Variants in MTURN observed in about 807,000 individuals in gnomAD.
MTURN encodes the protein maturin.
A neutral mutation model predicts 14.9 loss-of-function variants in MTURN; 7 were observed. The observed-to-expected ratio is 0.47, with a 90% CI of 0.27 to 0.88. The LOEUF (loss-of-function observed/expected upper bound fraction) is 0.88, where lower values mean the gene tolerates loss of function less well. MTURN is among the 40% of genes least tolerant of loss of function. The pLI is 0.14. For synonymous variants in MTURN, 69 were observed against 72.5 expected, an observed-to-expected ratio of 0.95 and a Z score of 0.25; for missense variants, 151 against 174.1, an observed-to-expected ratio of 0.87 and a Z score of 0.75.
rs1183534769 is a variant in MTURN at position 30,137,556 on chromosome 7, TAGAA to T, written c.162+2262_162+2265del. Reference sequence around the variant, plus strand: ...AAACTGACAATTTAAATAGAATAGATAGAAAGATAGAGGATGGGGGTGGGCAGAT... The same window carrying T: ...AAACTGACAATTTAAATAGAATAGATAGATAGAGGATGGGGGTGGGCAGAT... On this transcript the variant is annotated intron_variant, in intron 1 of 2. Transcript: ENST00000324453. The T allele has an allele frequency of 3.6e-5, 17 of 468,302 alleles. No homozygotes were observed. In the Middle Eastern group the frequency reaches 2.0e-3, roughly 54 times the overall value. The allele number at this position is 468,302 out of a possible 1,614,324, so 29.0% of individuals were successfully genotyped here. A position where few individuals can be genotyped will look rare whatever the true frequency, so the allele number is the denominator to read the frequency against.
chr7:30,144,759 C>T (rs773963621), intron 1 of MTURN, among the ~76,000 whole-genome samples: 1 of 151,910 alleles, frequency 6.6e-6, no homozygotes, highest in Non-Finnish European at 1.5e-5. Flanking sequence ...TCTCAGAAAC[C>T]CTGCAATGAG....
chr7:30,146,370 TG>T lies in MTURN; in HGVS notation c.285+75del. 4 of 1,591,124 alleles carry T rather than the reference TG, an allele frequency of 2.5e-6. No individual in the cohort carries two copies. The South Asian group carries it at 3.3e-5, about 13-fold the overall frequency. ...ATTGTGTTTAGAATAACAGGGGCGG[TG>T]GGGAAGGTGGGCAAAACCTGGGATG... On this transcript the variant is annotated intron_variant, in intron 2 of 2. Coordinates refer to ENST00000324453, the MANE Select transcript of MTURN (RefSeq NM_152793.3).
intron 1 of MTURN, among the ~76,000 whole-genome samples, chr7:30,138,134 T>C (rs1183391629): frequency 6.6e-6 from 1 of 152,176 alleles, no homozygotes; most frequent in Non-Finnish European, 1.5e-5. Flanking sequence ...TTTTCTTTTT[T>C]TGAGACAGTC....
In MTURN at chr7:30,158,741, T is replaced by C. The variant is rs765021464; in HGVS notation, c.*1193T>C. The C allele has an allele frequency of 1.3e-5, 2 of 152,136 alleles. No homozygotes were observed. Among genetic ancestry groups the C allele is most frequent in the East Asian group, 3.8e-4 (2 of 5,196 alleles). 9.4% of individuals were successfully genotyped at this position (152,136 alleles called of 1,614,324 possible). A position where few individuals can be genotyped will look rare whatever the true frequency, so the allele number is the denominator to read the frequency against. ...ACTGCTGTTATCGTTTAGCCAACAA[T>C]TACTTACTGGGGACATCCTTTGTAA... On this transcript the variant is annotated 3_prime_UTR_variant, in exon 3 of 3. Coordinates refer to ENST00000324453, the MANE Select transcript of MTURN (RefSeq NM_152793.3).
intron 1 of MTURN, among the ~76,000 whole-genome samples, chr7:30,135,927 A>C (rs977666256): frequency 2.6e-5 from 4 of 152,126 alleles, no homozygotes; most frequent in Non-Finnish European, 5.9e-5. Flanking sequence ...GCGGAATTAC[A>C]CCCCGGATCT....
chr7:30,149,346 G>A (rs66868839), intron 2 of MTURN, among the ~76,000 whole-genome samples: 18,870 of 152,216 alleles, frequency 0.12, 1,292 homozygotes, highest in African/African-American at 0.17. Flanking sequence ...CAGGTGAGGA[G>A]GCCTTGACGT....
At position 30,157,526 on chromosome 7, in the gene MTURN, A is replaced by C; in HGVS notation, c.374A>C (p.Gln125Pro). 6.2e-7 allele frequency: 1 copy of C among 1,603,212 alleles called. No individual in the cohort carries two copies. Among genetic ancestry groups the C allele is most frequent in the Non-Finnish European group, 8.5e-7 (1 of 1,175,384 alleles). Reference sequence around the variant, plus strand: ...GAGGAGCCAGAGGCGGACCACCCCCAGATGGGGGTCAGCCAGCAGTAAATC... The same window carrying C: ...GAGGAGCCAGAGGCGGACCACCCCCCGATGGGGGTCAGCCAGCAGTAAATC... ...EEEEPEADHP[Q>P]MGVSQQ The change falls in exon 3 of 3, where the codon CAG (glutamine) becomes CCG (proline). Residue 125 changes from glutamine to proline, a missense_variant. Physicochemically the swap from Gln to Pro is moderately conservative, Grantham distance 76. Transcript: ENST00000324453.
intron 1 of MTURN, among the ~76,000 whole-genome samples, chr7:30,138,395 G>A (rs757450320): frequency 1.2e-4 from 18 of 152,210 alleles, no homozygotes; most frequent in South Asian, 2.1e-4. Context: ...GATGATAGGC[G>A]TGAGCCACTG....
chr7:30,151,579 C>A (rs185876389), intron 2 of MTURN, among the ~76,000 whole-genome samples: 1 of 152,346 alleles, frequency 6.6e-6, no homozygotes, highest in African/African-American at 2.4e-5. Flanking sequence ...TAGACTTTAT[C>A]TTTGCCCTTT....
chr7:30,148,929 A>G (rs548073494), intron 2 of MTURN, among the ~76,000 whole-genome samples: 89 of 152,332 alleles, frequency 5.8e-4, no homozygotes, highest in African/African-American at 2.1e-3. Flanking sequence ...AATACCCGTT[A>G]GCAACTGAGG....
At chr7:30,137,664 A>C (rs1796986009) in intron 1 of MTURN, 1 of 471,218 alleles carries the variant, frequency 2.1e-6, no homozygotes, top group Non-Finnish European at 4.4e-6. Context: ...GAGTTTTCCT[A>C]GCCGGACCTC....
intron 1 of MTURN, among the ~76,000 whole-genome samples, chr7:30,143,041 C>A (rs558288041): frequency 9.8e-5 from 15 of 152,290 alleles, no homozygotes; most frequent in Admixed American, 5.9e-4. Context: ...AGGACTAAAT[C>A]CTGTTCTCAG....
intron 1 of MTURN, chr7:30,137,415 A>G (rs1796981068): frequency 2.9e-6 from 1 of 339,748 alleles, no homozygotes. Flanking sequence ...TGTGTATCCA[A>G]CCATCGTTCA....
intron 2 of MTURN, among the ~76,000 whole-genome samples, chr7:30,149,414 C>T (rs555020158): frequency 3.0e-4 from 46 of 152,196 alleles, no homozygotes; most frequent in Non-Finnish European, 4.1e-4. Context: ...CTGGCAGGGC[C>T]GGTTTACCCC....
At chr7:30,141,128 C>T (rs1468197003) in intron 1 of MTURN, 1 of 152,300 alleles carries the variant, frequency 6.6e-6, no homozygotes, top group Non-Finnish European at 1.5e-5. Flanking sequence ...CAGCTGTGCT[C>T]TTCCCACCAT....
At chr7:30,145,248 C>T (rs1222147482) in intron 1 of MTURN, among the ~76,000 whole-genome samples, 1 of 152,178 alleles carries the variant, frequency 6.6e-6, no homozygotes, top group Non-Finnish European at 1.5e-5. Context: ...TGGTGGCTCA[C>T]GCCTGTAGTC....
At position 30,161,994 on chromosome 7, in the gene MTURN, AT is replaced by A. The variant is rs1347385103; in HGVS notation, c.*4447del. On this transcript the variant is annotated 3_prime_UTR_variant, in exon 3 of 3. Transcript: ENST00000324453. ...TCACTGGGCAAATATAAAAGACAACATATTATTTAACATAATATGTTGTCTT... is the reference window on the plus strand; with the variant it reads ...TCACTGGGCAAATATAAAAGACAACAATTATTTAACATAATATGTTGTCTT... The A allele has an allele frequency of 6.6e-6, 1 of 151,644 alleles. No individual in the cohort carries two copies. Among genetic ancestry groups the A allele is most frequent in the African/African-American group, 2.4e-5 (1 of 41,318 alleles). The allele number at this position is 151,644 out of a possible 1,614,324, so 9.4% of individuals were successfully genotyped here.
intron 2 of MTURN, among the ~76,000 whole-genome samples, chr7:30,154,213 C>T (rs762337021): frequency 7.2e-5 from 11 of 152,276 alleles, no homozygotes; most frequent in South Asian, 6.2e-4. Flanking sequence ...CACGTGGTCC[C>T]GTGGTGGTGG....
intron 2 of MTURN, among the ~76,000 whole-genome samples, chr7:30,149,398 C>T (rs964123887): frequency 6.6e-6 from 1 of 152,116 alleles, no homozygotes; most frequent in South Asian, 2.1e-4. Flanking sequence ...TGGGCTGGGC[C>T]GCCCTCTGGC....
Sources: allele counts gnomAD v4.1 joint callset (sites outside exome capture counted in the v4.1 genomes callset), GRCh38; gene constraint gnomAD v4.1.1; transcripts MANE v1.5; gene names NCBI Gene and HGNC (gene_info 2026-07-23, HGNC 2026-07-21).